MALRD1: variants seen among roughly 807,000 people sequenced by gnomAD.
MALRD1 encodes the protein MAM and LDL receptor class A domain containing 1, also known as MAM and LDL-receptor class A domain-containing protein 1.
MALRD1 carries 247 observed loss-of-function variants against 242.1 expected under a neutral mutation model. The observed-to-expected ratio is 1.02, with a 90% CI of 0.92 to 1.13. MALRD1 has a LOEUF of 1.13. MALRD1 is among the 50% of genes most tolerant of loss of function. MALRD1 has a pLI of 0.00. For missense variants in MALRD1, 2,989 were observed against 2,533.1 expected (o/e 1.18, Z -3.86); for synonymous variants, 995 against 866.6 (o/e 1.15, Z -2.60).
rs575448871 is a variant in MALRD1, at chr10:19,122,397, A to G, written c.695-1095A>G. ...GGTGGCAAAGGTTGTTTTTCATCAA[A>G]GTTCTCCTTCAAAGTCATCAATAAG... On this transcript the variant is annotated intron_variant, in intron 5 of 39. Coordinates refer to ENST00000454679, the MANE Select transcript of MALRD1 (RefSeq NM_001142308.3). Among the ~76,000 whole-genome samples the G allele has an allele frequency of 5.5e-4, 83 of 152,268 alleles. No homozygotes were observed. The South Asian group carries it at 0.013, about 24-fold the overall frequency.
chr10:19,595,629 T>A (rs778984914), intron 34 of MALRD1, among the ~76,000 whole-genome samples, 172 bp downstream of exon 34: 33 of 152,214 alleles, frequency 2.2e-4, no homozygotes, highest in Non-Finnish European at 4.3e-4. Context: ...TTGCTTAGTG[T>A]TTCCAGCAAC....
chr10:19,586,242 C>T (rs1382905095), intron 33 of MALRD1, among the ~76,000 whole-genome samples: 1 of 152,222 alleles, frequency 6.6e-6, no homozygotes, highest in Non-Finnish European at 1.5e-5. Flanking sequence ...AGTCATTCTC[C>T]ATCCAGCTTT....
In MALRD1 at chr10:19,323,900, C is replaced by T. The variant is rs556898906; in HGVS notation, c.3420-49C>T. The T allele has an allele frequency of 7.7e-5, 117 of 1,526,880 alleles. No homozygotes were observed. In the Admixed American group the frequency reaches 1.3e-3, roughly 18 times the overall value. The allele number at this position is 1,526,880 out of a possible 1,614,324, so 94.6% of individuals were successfully genotyped here. On this transcript the variant is annotated intron_variant, in intron 21 of 39. Coordinates refer to ENST00000454679, the MANE Select transcript of MALRD1 (RefSeq NM_001142308.3). ...TCCTGGGATTACAGGCGTGAGCCACCGTGCCCGGCCTCTTATTCCTTTTAT... is the reference window on the plus strand; with the variant it reads ...TCCTGGGATTACAGGCGTGAGCCACTGTGCCCGGCCTCTTATTCCTTTTAT...
intron 35 of MALRD1, among the ~76,000 whole-genome samples, chr10:19,609,899 A>G (rs1838813579): frequency 6.6e-6 from 1 of 151,996 alleles, no homozygotes; most frequent in South Asian, 2.1e-4. Context: ...GTAAAATTGT[A>G]GGATGGGACA....
chr10:19,601,942 G>A (rs1838361248), intron 34 of MALRD1, among the ~76,000 whole-genome samples: 1 of 151,768 alleles, frequency 6.6e-6, no homozygotes, highest in Admixed American at 6.6e-5. Flanking sequence ...ATAAAAATAT[G>A]TATGCACACA....
At chr10:19,584,063 T>G (rs1435602307) in intron 33 of MALRD1, among the ~76,000 whole-genome samples, 1 of 150,858 alleles carries the variant, frequency 6.6e-6, no homozygotes. Context: ...GTGGGATCGG[T>G]GGTGATATCC....
chr10:19,693,561 C>T (rs553728195), intron 38 of MALRD1, among the ~76,000 whole-genome samples: 11 of 152,040 alleles, frequency 7.2e-5, no homozygotes, highest in Non-Finnish European at 1.5e-4. Context: ...AACCACTGCT[C>T]AAGGAAATAA....
intron 13 of MALRD1, among the ~76,000 whole-genome samples, chr10:19,168,093 G>A (rs978970971): frequency 3.3e-5 from 5 of 152,126 alleles, no homozygotes; most frequent in East Asian, 3.9e-4. Context: ...GGGAATTCCC[G>A]CTTGATCAGA....
At chr10:19,102,515 A>G (rs955451452) in intron 4 of MALRD1, among the ~76,000 whole-genome samples, 3 of 152,194 alleles carry the variant, frequency 2.0e-5, no homozygotes, top group South Asian at 4.1e-4. Flanking sequence ...AGAATTTCCC[A>G]TAGAAAAATG....
intron 33 of MALRD1, among the ~76,000 whole-genome samples, chr10:19,579,759 G>C (rs1429436610): frequency 6.6e-6 from 1 of 152,168 alleles, no homozygotes; most frequent in Admixed American, 6.5e-5. Context: ...TAAGGCGTTG[G>C]AGAACCATTT....
intron 14 of MALRD1, among the ~76,000 whole-genome samples, chr10:19,202,748 G>C (rs1836596022): frequency 6.6e-6 from 1 of 152,054 alleles, no homozygotes; most frequent in African/African-American, 2.4e-5. Context: ...AGTAACAGCT[G>C]AATGTTCACA....
intron 28 of MALRD1, among the ~76,000 whole-genome samples, chr10:19,428,945 CTG>C (rs1207693217): frequency 6.6e-6 from 1 of 152,178 alleles, no homozygotes; most frequent in Non-Finnish European, 1.5e-5. Flanking sequence ...ATGAGCCTAT[CTG>C]TAGTCTGAAT....
At chr10:19,261,368 A>C (rs902586220) in intron 19 of MALRD1, among the ~76,000 whole-genome samples, 1 of 152,082 alleles carries the variant, frequency 6.6e-6, no homozygotes, top group Admixed American at 6.5e-5. Flanking sequence ...AGGCTTGTTG[A>C]ATCCATAGGT....
At chr10:19,672,950 A>G (rs1305134785) in intron 36 of MALRD1, among the ~76,000 whole-genome samples, 1 of 152,192 alleles carries the variant, frequency 6.6e-6, no homozygotes, top group African/African-American at 2.4e-5. Flanking sequence ...TTTATTCACT[A>G]AGAGTTTGAG....
chr10:19,477,918 G>T (rs1038600597), intron 29 of MALRD1, among the ~76,000 whole-genome samples: 1 of 152,174 alleles, frequency 6.6e-6, no homozygotes, highest in Non-Finnish European at 1.5e-5. Context: ...AGGGAAGTTG[G>T]AGCTGCCATG....
intron 38 of MALRD1, among the ~76,000 whole-genome samples, chr10:19,725,222 A>G (rs1246063905): frequency 6.6e-6 from 1 of 152,068 alleles, no homozygotes; most frequent in Non-Finnish European, 1.5e-5. Context: ...CATAATCCCC[A>G]CAAGCCGTGG....
At chr10:19,349,988 A>G (rs1219069379) in intron 25 of MALRD1, among the ~76,000 whole-genome samples, 1 of 152,110 alleles carries the variant, frequency 6.6e-6, no homozygotes, top group African/African-American at 2.4e-5. Flanking sequence ...TTAATGATGA[A>G]TGGTTCATTT....
intron 38 of MALRD1, among the ~76,000 whole-genome samples, chr10:19,713,499 T>A (rs114422608): frequency 4.0e-4 from 61 of 152,346 alleles, no homozygotes; most frequent in African/African-American, 1.5e-3. Flanking sequence ...AATAAATAGA[T>A]GCCACTAAGT....
chr10:19,223,562 A>G (rs1476903255), intron 18 of MALRD1, among the ~76,000 whole-genome samples: 1 of 152,092 alleles, frequency 6.6e-6, no homozygotes, highest in African/African-American at 2.4e-5. Context: ...ACGCACATAC[A>G]TACACTTTAA....
Sources: allele counts gnomAD v4.1 joint callset (sites outside exome capture counted in the v4.1 genomes callset), GRCh38; gene constraint gnomAD v4.1.1; transcripts MANE v1.5; gene names NCBI Gene and HGNC (gene_info 2026-07-23, HGNC 2026-07-21).